Variants in NOC3L observed in about 807,000 individuals in gnomAD.
NOC3L encodes NOC3 like DNA replication regulator.
In NOC3L, 85 loss-of-function variants were observed where a neutral mutation model predicts 102.5. That is an observed-to-expected ratio of 0.83 (90% CI 0.70 to 0.99). The LOEUF is 0.99. Ranked by LOEUF, NOC3L falls within the 50% of genes least tolerant of loss-of-function variation. The pLI, the probability that NOC3L is intolerant of heterozygous loss-of-function variation, is 0.00. For missense variants in NOC3L, 878 were observed against 914.9 expected (o/e 0.96, Z 0.52); for synonymous variants, 303 against 309.4 (o/e 0.98, Z 0.22).
chr10:94,351,221 T>C (rs111887437), intron 8 of NOC3L, among the ~76,000 whole-genome samples: 12 of 151,872 alleles, frequency 7.9e-5, no homozygotes, highest in African/African-American at 2.7e-4. Flanking sequence ...ATAGAAGCAA[T>C]ATCCATACTA....
At chr10:94,345,671 T>C (rs1031746176) in intron 11 of NOC3L, among the ~76,000 whole-genome samples, 1 of 152,334 alleles carries the variant, frequency 6.6e-6, no homozygotes, top group African/African-American at 2.4e-5. Context: ...AGTTAAAATA[T>C]GTATCTTCTT....
At chr10:94,334,770 A>C in intron 19 of NOC3L, 52 bp from the exon 20 acceptor site, 1 of 1,208,196 alleles carries the variant, frequency 8.3e-7, no homozygotes, top group East Asian at 2.3e-5. Flanking sequence ...TGTGTAACTC[A>C]AAAATAATTA....
At position 94,362,924 on chromosome 10, in the gene NOC3L, A is replaced by G. The variant is rs11187904; in HGVS notation, c.-86T>C. Reference sequence around the variant, plus strand: ...ATCCCGGGGAATGACACACGTGCCGAAGTCCCTACACTACCAGAGCCGGAA... The same window carrying G: ...ATCCCGGGGAATGACACACGTGCCGGAGTCCCTACACTACCAGAGCCGGAA... On this transcript the variant is annotated 5_prime_UTR_variant, in exon 1 of 21. Coordinates refer to ENST00000371361, the MANE Select transcript of NOC3L (RefSeq NM_022451.11). 8.4e-3 allele frequency: 13,519 copies of G among 1,605,038 alleles called. 632 individuals are homozygous for G. In the African/African-American group the frequency reaches 0.12, roughly 14 times the overall value.
chr10:94,320,929 G>T, the NOC3L span, among the ~76,000 whole-genome samples: 1 of 152,140 alleles, frequency 6.6e-6, no homozygotes, highest in Admixed American at 6.5e-5. Flanking sequence ...CGAATAAGGT[G>T]GGAGAAGGAA....
intron 11 of NOC3L, among the ~76,000 whole-genome samples, chr10:94,346,120 C>T (rs77688653): frequency 0.04 from 6,021 of 152,284 alleles, 177 homozygotes; most frequent in Non-Finnish European, 0.062. Context: ...GTGAATGCAT[C>T]TTTTCTGTTA....
intron 8 of NOC3L, among the ~76,000 whole-genome samples, chr10:94,351,327 T>C (rs1201201547): frequency 2.0e-5 from 3 of 151,962 alleles, no homozygotes; most frequent in Non-Finnish European, 4.4e-5. Flanking sequence ...TGGGTGATCT[T>C]AGTAAATAAG....
chr10:94,321,632 A>G, the NOC3L span, among the ~76,000 whole-genome samples: 2 of 151,462 alleles, frequency 1.3e-5, no homozygotes, highest in East Asian at 3.9e-4. Context: ...CATCTCAGAA[A>G]AAAAAAAAAA....
chr10:94,360,269 T>C (rs2054537457), intron 2 of NOC3L, among the ~76,000 whole-genome samples: 1 of 152,008 alleles, frequency 6.6e-6, no homozygotes, highest in South Asian at 2.1e-4. Context: ...TGAGCCGGGA[T>C]CGTGCCACTG....
chr10:94,339,197 T>C (rs778812195), intron 17 of NOC3L, among the ~76,000 whole-genome samples: 10 of 152,188 alleles, frequency 6.6e-5, no homozygotes, highest in Non-Finnish European at 1.3e-4. Context: ...ACTTAACCTC[T>C]CTGGACCTCA....
the NOC3L span, chr10:94,321,767 T>C: frequency 1.4e-5 from 9 of 666,500 alleles, no homozygotes; most frequent in Admixed American, 2.5e-5. Context: ...TATGAAATAA[T>C]AACATAGTAT....
chr10:94,315,378 A>G, the NOC3L span: 1 of 455,846 alleles, frequency 2.2e-6, no homozygotes, highest in East Asian at 6.9e-5. Context: ...TCTCATCACC[A>G]AGCTACTTCT....
rs916918346 is a variant in NOC3L at position 94,362,909 on chromosome 10, A to G, written c.-71T>C. Reference sequence around the variant, plus strand: ...AGGGTTACTACAGAAATCCCGGGGAATGACACACGTGCCGAAGTCCCTACA... The same window carrying G: ...AGGGTTACTACAGAAATCCCGGGGAGTGACACACGTGCCGAAGTCCCTACA... On this transcript the variant is annotated 5_prime_UTR_variant, in exon 1 of 21. Transcript: ENST00000371361. The G allele has an allele frequency of 6.2e-7, 1 of 1,612,960 alleles. No homozygotes were observed. The highest frequency in any genetic ancestry group is 8.5e-7 in the Non-Finnish European group (1 of 1,179,254).
the NOC3L span, chr10:94,324,636 C>G: frequency 1.6e-6 from 2 of 1,282,442 alleles, no homozygotes; most frequent in Non-Finnish European, 1.1e-6. Context: ...GTAGCCAGAT[C>G]TGGAAGCTGG....
At chr10:94,359,412 T>C (rs1196893713) in intron 2 of NOC3L, among the ~76,000 whole-genome samples, 1 of 151,446 alleles carries the variant, frequency 6.6e-6, no homozygotes, top group African/African-American at 2.4e-5. Flanking sequence ...AAATCGCCAC[T>C]GAACTCCAGC....
At chr10:94,357,406 G>T in intron 3 of NOC3L, 75 bp from the exon 4 acceptor site, 1 of 1,325,418 alleles carries the variant, frequency 7.5e-7, no homozygotes, top group Non-Finnish European at 9.8e-7. Flanking sequence ...CATTTCAAAA[G>T]TACAGAAAAA....
At chr10:94,329,502 GGC>G (rs1358590356), downstream of NOC3L, 2 of 152,082 alleles carry the variant, frequency 1.3e-5, no homozygotes, top group Non-Finnish European at 2.9e-5. Flanking sequence ...ACACCACACA[GGC>G]TGGGCAGAGT....
intron 14 of NOC3L, among the ~76,000 whole-genome samples, chr10:94,341,405 C>G (rs1021501549): frequency 3.3e-5 from 5 of 150,468 alleles, no homozygotes; most frequent in Non-Finnish European, 5.9e-5. Flanking sequence ...TACCCTGAAA[C>G]CATGTACATC....
Position 94,358,223 on chromosome 10 carries a change from A to C in NOC3L, c.218-8T>G, listed in dbSNP as rs566902121. The C allele has an allele frequency of 7.7e-4, 657 of 851,300 alleles. 1 individual carries two copies. In the African/African-American group the frequency reaches 9.9e-3, roughly 13 times the overall value. The allele number at this position is 851,300 out of a possible 1,614,324, so 52.7% of individuals were successfully genotyped here. ...CCCTCTCAATCCTTTTACCTGTACC[A>C]CACACACACACACACAAAGAAAAAT... On this transcript the variant is annotated splice_region_variant and splice_polypyrimidine_tract_variant and intron_variant, in intron 2 of 20. Coordinates refer to ENST00000371361, the MANE Select transcript of NOC3L (RefSeq NM_022451.11).
intron 5 of NOC3L, 34 bp from the exon 6 acceptor site, chr10:94,355,127 T>G (rs1220697046): frequency 1.3e-6 from 2 of 1,573,620 alleles, no homozygotes; most frequent in African/African-American, 2.7e-5. Context: ...TACATATTCC[T>G]CTGCTTACAA....
Sources: gnomAD v4.1 joint callset for allele counts (sites outside exome capture counted in the v4.1 genomes callset) on GRCh38, gnomAD v4.1.1 for gene constraint, MANE v1.5 for transcripts, NCBI Gene and HGNC (gene_info 2026-07-23, HGNC 2026-07-21) for gene names.